Variants in ARHGAP26 observed in about 807,000 individuals in gnomAD.
The protein encoded by ARHGAP26 is Rho GTPase activating protein 26, also known as rho GTPase-activating protein 26.
ARHGAP26 carries 38 observed loss-of-function variants against 104.8 expected under a neutral mutation model. The observed-to-expected ratio is 0.36, with a 90% CI of 0.28 to 0.48. ARHGAP26 has a LOEUF of 0.48. ARHGAP26 is among the 20% of genes least tolerant of loss of function. The probability of loss-of-function intolerance (pLI) is 0.99; values close to 1 mark genes in which losing one functional copy is unlikely to be tolerated. For missense variants in ARHGAP26, 704 were observed against 947.9 expected, an observed-to-expected ratio of 0.74 and a Z score of 3.38; for synonymous variants, 341 against 340.0, an observed-to-expected ratio of 1.00 and a Z score of -0.03.
chr5:143,125,614 T>C (rs1796637193), intron 18 of ARHGAP26, among the ~76,000 whole-genome samples: 2 of 152,236 alleles, frequency 1.3e-5, no homozygotes, highest in Non-Finnish European at 1.5e-5. Context: ...CTAGGAGATA[T>C]GATATTATGT....
chr5:143,140,875 G>T (rs924757765), intron 19 of ARHGAP26, among the ~76,000 whole-genome samples: 2 of 152,194 alleles, frequency 1.3e-5, no homozygotes, highest in African/African-American at 2.4e-5. Flanking sequence ...TCCCAGACAG[G>T]CCCAGTGAGA....
intron 6 of ARHGAP26, among the ~76,000 whole-genome samples, chr5:142,897,754 C>T (rs762314220): frequency 1.3e-5 from 2 of 152,204 alleles, no homozygotes; most frequent in African/African-American, 2.4e-5. Flanking sequence ...AGGGTAAGTA[C>T]TGTTTTTATC....
At chr5:143,117,156 A>C (rs543865571) in intron 17 of ARHGAP26, among the ~76,000 whole-genome samples, 1 of 151,334 alleles carries the variant, frequency 6.6e-6, no homozygotes, top group Admixed American at 6.6e-5. Context: ...TTTTAAGTCA[A>C]GACTCAACAT....
At chr5:142,810,985 C>G (rs369814766) in intron 1 of ARHGAP26, among the ~76,000 whole-genome samples, 2 of 152,144 alleles carry the variant, frequency 1.3e-5, no homozygotes, top group South Asian at 4.1e-4. Context: ...TAAATCTACC[C>G]GCTTCCAGTC....
At chr5:143,071,686 T>C (rs543879879) in intron 17 of ARHGAP26, among the ~76,000 whole-genome samples, 12 of 152,146 alleles carry the variant, frequency 7.9e-5, no homozygotes, top group South Asian at 4.1e-4. Flanking sequence ...GGCGGGCAGA[T>C]TGCCTGAGGT....
At chr5:143,148,326 T>G (rs1427136041) in intron 20 of ARHGAP26, among the ~76,000 whole-genome samples, 1 of 152,214 alleles carries the variant, frequency 6.6e-6, no homozygotes, top group Non-Finnish European at 1.5e-5. Context: ...CATAGTTTCA[T>G]GACAGCACCC....
chr5:142,923,951 C>G (rs1763547923), intron 10 of ARHGAP26, among the ~76,000 whole-genome samples: 1 of 151,208 alleles, frequency 6.6e-6, no homozygotes, highest in South Asian at 2.1e-4. Flanking sequence ...AAGCTCCGCC[C>G]CCCGGGTTCG....
At chr5:143,083,397 T>C (rs543643531) in intron 17 of ARHGAP26, among the ~76,000 whole-genome samples, 1 of 152,352 alleles carries the variant, frequency 6.6e-6, no homozygotes, top group South Asian at 2.1e-4. Flanking sequence ...GCAAGTCTTA[T>C]GTCTCTTAAT....
chr5:142,972,323 T>G (rs1163775501), intron 11 of ARHGAP26, among the ~76,000 whole-genome samples: 1 of 152,206 alleles, frequency 6.6e-6, no homozygotes, highest in Admixed American at 6.5e-5. Context: ...TTTAAGATGC[T>G]TCTTTGCTCA....
chr5:142,915,257 T>C (rs1762327231), intron 10 of ARHGAP26, among the ~76,000 whole-genome samples: 1 of 152,126 alleles, frequency 6.6e-6, no homozygotes, highest in Admixed American at 6.5e-5. Flanking sequence ...CTGAGTGGGC[T>C]TGCGAGTCGA....
intron 20 of ARHGAP26, among the ~76,000 whole-genome samples, chr5:143,167,094 A>G (rs779049162): frequency 6.6e-6 from 1 of 152,056 alleles, no homozygotes; most frequent in Admixed American, 6.6e-5. Flanking sequence ...GATTTTTATA[A>G]TTTTCTCACC....
At chr5:143,099,460 G>A (rs541159063) in intron 17 of ARHGAP26, among the ~76,000 whole-genome samples, 1 of 152,288 alleles carries the variant, frequency 6.6e-6, no homozygotes, top group African/African-American at 2.4e-5. Flanking sequence ...ATCCTTGACA[G>A]GCCTCACCAT....
chr5:143,218,990 C>G (rs1810775637), intron 22 of ARHGAP26, among the ~76,000 whole-genome samples: 1 of 152,236 alleles, frequency 6.6e-6, no homozygotes, highest in Non-Finnish European at 1.5e-5. Flanking sequence ...AGAACCAACT[C>G]CATAGTCATT....
At chr5:143,094,134 C>G (rs1017812587) in intron 17 of ARHGAP26, among the ~76,000 whole-genome samples, 1 of 152,252 alleles carries the variant, frequency 6.6e-6, no homozygotes, top group Non-Finnish European at 1.5e-5. Flanking sequence ...TTTCCCTAAT[C>G]CCGACTAAGG....
intron 11 of ARHGAP26, among the ~76,000 whole-genome samples, chr5:143,005,659 A>G (rs1291391992): frequency 6.6e-6 from 1 of 152,232 alleles, no homozygotes; most frequent in Non-Finnish European, 1.5e-5. Context: ...ACTAAGAGAT[A>G]AGTTGCTTAT....
intron 1 of ARHGAP26, among the ~76,000 whole-genome samples, chr5:142,849,518 T>TCC (rs1318245444): frequency 6.6e-6 from 1 of 152,212 alleles, no homozygotes; most frequent in African/African-American, 2.4e-5. Flanking sequence ...GCTTCATTCA[T>TCC]CCCCTTCTGA....
chr5:143,224,618 C>A lies in ARHGAP26; in HGVS notation c.*2172C>A, dbSNP rs1811514591. ...GCTCTTTACTTCTTTTTCTCCACATCTTCTGAGGCTTTAGAAATGTGGACA... is the reference window on the plus strand; with the variant it reads ...GCTCTTTACTTCTTTTTCTCCACATATTCTGAGGCTTTAGAAATGTGGACA... On this transcript the variant is annotated 3_prime_UTR_variant, in exon 23 of 23. Coordinates refer to ENST00000645722, the MANE Select transcript of ARHGAP26 (RefSeq NM_001135608.3). 2 of 231,006 alleles carry A rather than the reference C, an allele frequency of 8.7e-6. No homozygotes were observed. Among genetic ancestry groups the A allele is most frequent in the African/African-American group, 4.4e-5 (2 of 45,218 alleles). 14.3% of individuals were successfully genotyped at this position (231,006 alleles called of 1,614,324 possible).
At chr5:143,110,401 C>T (rs1282257059) in intron 17 of ARHGAP26, among the ~76,000 whole-genome samples, 1 of 152,188 alleles carries the variant, frequency 6.6e-6, no homozygotes, top group Non-Finnish European at 1.5e-5. Context: ...TGTGCTGGGT[C>T]ACCTTGCACT....
chr5:142,881,427 C>CT, intron 4 of ARHGAP26, among the ~76,000 whole-genome samples: 1 of 152,208 alleles, frequency 6.6e-6, no homozygotes, highest in Admixed American at 6.5e-5. Flanking sequence ...GGGGCGGCGG[C>CT]TGGGGGGTGG....
Sources: allele counts gnomAD v4.1 joint callset (sites outside exome capture counted in the v4.1 genomes callset), GRCh38; gene constraint gnomAD v4.1.1; transcripts MANE v1.5; gene names NCBI Gene and HGNC (gene_info 2026-07-23, HGNC 2026-07-21).